The following FAT3 variants were observed in gnomAD, a reference collection of about 807,000 sequenced individuals.
FAT3 encodes the protein protocadherin Fat 3.
A neutral mutation model predicts 310.2 loss-of-function variants in FAT3; 95 were observed. The observed-to-expected ratio is 0.31, with a 90% CI of 0.26 to 0.36. The LOEUF is 0.36. FAT3 is among the 10% of genes least tolerant of loss of function. The pLI is 1.00. For synonymous variants in FAT3, 2,314 were observed against 2,192.9 expected (o/e 1.06, Z -1.54); for missense variants, 5,408 against 5,715.6 (o/e 0.95, Z 1.74).
rs143335369 is a variant in FAT3, at chr11:92,274,617, T to C, written c.-18+49443T>C. The stretch of plus-strand genomic sequence containing the variant: ...CTAGAAAACATCTTGGCCGAGAGTG[T>C]ACAGATATTTTTAAACCTTTGAAAA... On this transcript the variant is annotated intron_variant, in intron 1 of 27. Transcript: ENST00000525166. 5.7e-3 allele frequency among the ~76,000 whole-genome samples: 868 copies of C among 152,214 alleles called. 11 individuals carry two copies. Among genetic ancestry groups the C allele is most frequent in the African/African-American group, 0.02 (846 of 41,570 alleles).
intron 11 of FAT3, 34 bp from the exon 12 acceptor site, chr11:92,806,328 A>C: frequency 6.4e-7 from 1 of 1,563,692 alleles, no homozygotes; most frequent in Non-Finnish European, 8.7e-7. Flanking sequence ...CACAAATACT[A>C]ATGATTTTAT....
chr11:92,553,606 C>A (rs984179121), intron 3 of FAT3, among the ~76,000 whole-genome samples: 6 of 152,162 alleles, frequency 3.9e-5, no homozygotes, highest in African/African-American at 1.4e-4. Flanking sequence ...CTTGGCCACA[C>A]TGGGAGCAGA....
intron 19 of FAT3, among the ~76,000 whole-genome samples, chr11:92,849,504 T>C (rs1010152364): frequency 6.6e-6 from 1 of 152,220 alleles, no homozygotes; most frequent in Non-Finnish European, 1.5e-5. Flanking sequence ...AGCTGCCCTC[T>C]GGATAACTAA....
intron 19 of FAT3, among the ~76,000 whole-genome samples, chr11:92,854,798 C>G (rs1245466497): frequency 6.6e-6 from 1 of 152,102 alleles, no homozygotes; most frequent in Non-Finnish European, 1.5e-5. Flanking sequence ...TGCAATGCAG[C>G]CATTACATTA....
At chr11:92,754,507 A>G (rs1332225515) in intron 4 of FAT3, among the ~76,000 whole-genome samples, 3 of 151,180 alleles carry the variant, frequency 2.0e-5, no homozygotes, top group African/African-American at 7.3e-5. Flanking sequence ...GGGTGCCTGT[A>G]GTCCCAGCTA....
In FAT3 at chr11:92,319,605, A is replaced by T. The variant is rs148296482; in HGVS notation, c.-17-32491A>T. On this transcript the variant is annotated intron_variant, in intron 1 of 27. Coordinates refer to ENST00000525166, the MANE Select transcript of FAT3 (RefSeq NM_001367949.2). ...CCTGTGCAAAGTGTTGCTGATAGAA[A>T]AATGGGTGAGACATAGTTCCTACCC... is the stretch of plus-strand genomic sequence containing the variant. 2.1e-3 allele frequency among the ~76,000 whole-genome samples: 313 copies of T among 152,354 alleles called. 1 individual carries two copies. Among genetic ancestry groups the T allele is most frequent in the African/African-American group, 7.2e-3 (301 of 41,584 alleles).
At chr11:92,656,024 G>A (rs137880477) in intron 3 of FAT3, among the ~76,000 whole-genome samples, 49 of 152,274 alleles carry the variant, frequency 3.2e-4, no homozygotes, top group African/African-American at 1.2e-3. Flanking sequence ...CAAGAGGGAT[G>A]GGGCTGTGAG....
intron 3 of FAT3, among the ~76,000 whole-genome samples, chr11:92,558,145 A>C (rs1278903509): frequency 7.9e-5 from 12 of 152,204 alleles, no homozygotes; most frequent in Admixed American, 7.9e-4. Context: ...TGTGATCCCC[A>C]GGAGAGCAGA....
rs2136442934 is a variant in FAT3, at chr11:92,890,551, T to C, written c.13208T>C (p.Val4403Ala). 4.3e-6 allele frequency: 7 copies of C among 1,613,764 alleles called. No homozygotes were observed. Among genetic ancestry groups the C allele is most frequent in the Non-Finnish European group, 5.9e-6 (7 of 1,179,852 alleles). The change falls in exon 28 of 28, where the codon GTG (valine) becomes GCG (alanine). Residue 4403 changes from valine (V) to alanine (A), a missense_variant. By Grantham distance (64) the Val-to-Ala change is moderately conservative (BLOSUM62 0). This residue lies in a region of FAT3 where 649 missense variants were observed against 666.2 expected (regional missense o/e 0.97). Coordinates refer to ENST00000525166, the MANE Select transcript of FAT3 (RefSeq NM_001367949.2). Reference sequence around the variant, plus strand: ...GCCCGCCTGTCGGACATAGAGGAAGTGCCCAACTATGAGAACCAGGATGGA... The same window carrying C: ...GCCCGCCTGTCGGACATAGAGGAAGCGCCCAACTATGAGAACCAGGATGGA... ...PGARLSDIEE[V>A]PNYENQDGGS...
intron 19 of FAT3, among the ~76,000 whole-genome samples, chr11:92,853,393 C>T (rs1948884386): frequency 6.6e-6 from 1 of 152,218 alleles, no homozygotes; most frequent in South Asian, 2.1e-4. Context: ...CACAGAACCT[C>T]AAAGAGAGTG....
At chr11:92,638,116 T>C (rs983214549) in intron 3 of FAT3, among the ~76,000 whole-genome samples, 1 of 152,218 alleles carries the variant, frequency 6.6e-6, no homozygotes, top group Non-Finnish European at 1.5e-5. Context: ...CTTCAATAAA[T>C]AGAACTCTGT....
Position 92,224,970 on chromosome 11 carries a change from T to C in FAT3, c.-222T>C, listed in dbSNP as rs1863839183. ...CTTCATCTCGGCTCCCCTCCTCCGC[T>C]TGCGAACCCCCGGCGGCGGCGGCGG... On this transcript the variant is annotated 5_prime_UTR_variant, in exon 1 of 28. Coordinates refer to ENST00000525166, the MANE Select transcript of FAT3 (RefSeq NM_001367949.2). Among the ~76,000 whole-genome samples, 5 of 151,980 alleles carry C rather than the reference T, an allele frequency of 3.3e-5. No individual in the cohort carries two copies. The highest frequency in any genetic ancestry group is 2.1e-4 in the South Asian group (1 of 4,828).
At chr11:92,809,409 C>A (rs1047827975) in intron 12 of FAT3, among the ~76,000 whole-genome samples, 2 of 152,178 alleles carry the variant, frequency 1.3e-5, no homozygotes, top group African/African-American at 4.8e-5. Context: ...AAGAGACTGC[C>A]TTTCTGGGTC....
chr11:92,528,059 A>T (rs1953932584), intron 3 of FAT3, among the ~76,000 whole-genome samples: 1 of 152,228 alleles, frequency 6.6e-6, no homozygotes, highest in African/African-American at 2.4e-5. Flanking sequence ...TAATGCCAAG[A>T]TGTATGATAT....
chr11:92,867,244 G>C (rs1416992819), intron 22 of FAT3, 35 bp downstream of exon 22: 8 of 1,505,556 alleles, frequency 5.3e-6, no homozygotes, highest in Non-Finnish European at 7.1e-6. Context: ...CTGGCCTGGG[G>C]GTTTGAGGGG....
chr11:92,707,639 C>T (rs1944394484), intron 4 of FAT3, among the ~76,000 whole-genome samples: 1 of 152,130 alleles, frequency 6.6e-6, no homozygotes, highest in African/African-American at 2.4e-5. Flanking sequence ...TGGCTTCTTC[C>T]CCGTAGTGCA....
intron 2 of FAT3, among the ~76,000 whole-genome samples, chr11:92,489,245 C>G (rs532401383): frequency 6.6e-6 from 1 of 152,106 alleles, no homozygotes; most frequent in Non-Finnish European, 1.5e-5. Context: ...AGCCCTAGCA[C>G]TTAGGGCAGT....
rs372337945 is a variant in FAT3 at position 92,831,775 on chromosome 11, C to G, written c.9635C>G (p.Pro3212Arg). ...AGCGTGCGGGCCACTGACCAGAGTCCTGGACAGTCCCTGTCCTCTCTCACT... is the reference window on the plus strand; with the variant it reads ...AGCGTGCGGGCCACTGACCAGAGTCGTGGACAGTCCCTGTCCTCTCTCACT... Reference protein sequence around the residue: ...NISVRATDQSPGQSLSSLTTV... With the variant: ...NISVRATDQSRGQSLSSLTTV... Residue 3212 changes from proline to arginine, a missense_variant, in exon 14 of 28, where the codon CCT becomes CGT. By Grantham distance (103) the Pro-to-Arg change is moderately radical. This residue lies in a region of FAT3 where 4,588 missense variants were observed against 4,809.8 expected (regional missense o/e 0.95). Transcript: ENST00000525166. 6.2e-6 allele frequency: 10 copies of G among 1,613,446 alleles called. No individual in the cohort carries two copies. Among genetic ancestry groups the G allele is most frequent in the Non-Finnish European group, 7.6e-6 (9 of 1,179,800 alleles).
At chr11:92,786,316 C>CA (rs149569839) in intron 7 of FAT3, among the ~76,000 whole-genome samples, 52 of 146,484 alleles carry the variant, frequency 3.5e-4, no homozygotes, top group South Asian at 1.1e-3. Flanking sequence ...TTTTGCATGG[C>CA]AAAAAAAAAC....
Sources: allele counts gnomAD v4.1 joint callset (sites outside exome capture counted in the v4.1 genomes callset), GRCh38; gene constraint gnomAD v4.1.1; regional missense constraint gnomAD v4.1.1; transcripts MANE v1.5; gene names NCBI Gene and HGNC (gene_info 2026-07-23, HGNC 2026-07-21).